The following NRG3 variants were observed in gnomAD, a reference collection of about 807,000 sequenced individuals.
NRG3 encodes the protein neuregulin 3, also known as pro-neuregulin-3, membrane-bound isoform.
NRG3 carries 31 observed loss-of-function variants against 66.9 expected under a neutral mutation model. That is an observed-to-expected ratio of 0.46 (90% CI 0.35 to 0.63). The LOEUF is 0.63. Ranked by LOEUF, NRG3 falls within the 20% of genes least tolerant of loss-of-function variation. NRG3 has a pLI of 0.00. For synonymous variants in NRG3, 393 were observed against 359.4 expected, an observed-to-expected ratio of 1.09 and a Z score of -1.06; for missense variants, 910 against 878.9, an observed-to-expected ratio of 1.04 and a Z score of -0.45.
At chr10:82,677,784 G>A (rs1487229375) in intron 2 of NRG3, among the ~76,000 whole-genome samples, 1 of 152,164 alleles carries the variant, frequency 6.6e-6, no homozygotes, top group African/African-American at 2.4e-5. Flanking sequence ...ATGAAAGGAA[G>A]TAAAGCACAC....
At chr10:82,352,925 T>C (rs1382616830) in intron 1 of NRG3, among the ~76,000 whole-genome samples, 1 of 151,896 alleles carries the variant, frequency 6.6e-6, no homozygotes, top group Non-Finnish European at 1.5e-5. Context: ...ACAGATTTTA[T>C]TGTAAATAAT....
chr10:82,325,956 T>G (rs1300681080), intron 1 of NRG3, among the ~76,000 whole-genome samples: 1 of 152,200 alleles, frequency 6.6e-6, no homozygotes, highest in Non-Finnish European at 1.5e-5. Context: ...ATACTTTATA[T>G]TTACTCACAT....
chr10:82,209,710 A>G (rs1232885897), intron 1 of NRG3, among the ~76,000 whole-genome samples: 1 of 152,184 alleles, frequency 6.6e-6, no homozygotes, highest in African/African-American at 2.4e-5. Context: ...TAGGATGCTT[A>G]GGAATGTACT....
At chr10:81,997,822 A>G (rs1233418183) in intron 1 of NRG3, among the ~76,000 whole-genome samples, 1 of 150,146 alleles carries the variant, frequency 6.7e-6, no homozygotes, top group African/African-American at 2.4e-5. Context: ...GGGGTCCCTC[A>G]TATTTGTCTA....
chr10:82,072,386 A>G (rs1428541087), intron 1 of NRG3, among the ~76,000 whole-genome samples: 1 of 152,240 alleles, frequency 6.6e-6, no homozygotes, highest in East Asian at 1.9e-4. Context: ...GTTCCCATCT[A>G]CTTCAGTAAC....
At chr10:82,427,413 C>T (rs548568218) in intron 2 of NRG3, among the ~76,000 whole-genome samples, 1 of 152,158 alleles carries the variant, frequency 6.6e-6, no homozygotes, top group East Asian at 1.9e-4. Context: ...TTGCCAAATG[C>T]TTTTTCTACT....
intron 2 of NRG3, among the ~76,000 whole-genome samples, chr10:82,374,137 G>T (rs1368137116): frequency 6.6e-6 from 1 of 152,170 alleles, no homozygotes; most frequent in Non-Finnish European, 1.5e-5. Context: ...TGTTAAAAAT[G>T]AGACAGAAAT....
rs554499542 is a variant in NRG3, at chr10:82,031,867, T to A, written c.823+155704T>A. Reference sequence around the variant, plus strand: ...AGTAGACTTTGGCCATTTCTATGGATGCAGCATTTAGAAAAGATTTGCTTT... The same window carrying A: ...AGTAGACTTTGGCCATTTCTATGGAAGCAGCATTTAGAAAAGATTTGCTTT... On this transcript the variant is annotated intron_variant, in intron 1 of 8. Transcript: ENST00000372141. Among the ~76,000 whole-genome samples the A allele has an allele frequency of 3.9e-5, 6 of 152,208 alleles. No homozygotes were observed. In the East Asian group the frequency reaches 1.2e-3, roughly 30 times the overall value.
At chr10:82,265,397 G>A (rs540425723) in intron 1 of NRG3, among the ~76,000 whole-genome samples, 4 of 152,260 alleles carry the variant, frequency 2.6e-5, no homozygotes, top group East Asian at 3.9e-4. Flanking sequence ...ATGAGAGCAC[G>A]AGGAAGGTTA....
At chr10:82,161,593 A>T (rs1480839605) in intron 1 of NRG3, among the ~76,000 whole-genome samples, 1 of 152,084 alleles carries the variant, frequency 6.6e-6, no homozygotes, top group East Asian at 1.9e-4. Flanking sequence ...AGTGAATTTT[A>T]TATTAATACA....
intron 1 of NRG3, among the ~76,000 whole-genome samples, chr10:81,913,808 T>C (rs755051677): frequency 3.9e-5 from 6 of 152,166 alleles, no homozygotes; most frequent in Non-Finnish European, 5.9e-5. Context: ...CAGCCTTTTC[T>C]TTCCAGAAGG....
chr10:82,909,731 T>A (rs767807566), intron 4 of NRG3, among the ~76,000 whole-genome samples: 1 of 152,214 alleles, frequency 6.6e-6, no homozygotes, highest in Non-Finnish European at 1.5e-5. Context: ...AAGGATGTGA[T>A]GATATTTGTT....
At chr10:82,462,421 A>C (rs2091559679) in intron 2 of NRG3, among the ~76,000 whole-genome samples, 1 of 152,026 alleles carries the variant, frequency 6.6e-6, no homozygotes, top group Non-Finnish European at 1.5e-5. Flanking sequence ...TATATTACTC[A>C]TAAGAAATTT....
intron 2 of NRG3, among the ~76,000 whole-genome samples, chr10:82,572,733 G>A (rs1404131954): frequency 6.6e-6 from 1 of 151,664 alleles, no homozygotes; most frequent in South Asian, 2.1e-4. Context: ...GATCAGAGGA[G>A]TTGCTTAAGA....
In NRG3 at chr10:82,081,372, C is replaced by CT. The variant is rs1026900376; in HGVS notation, c.823+205219dup. ...TACATAGACAGAAATGTTCTGTCTC[C>CT]TTTTTTTTTTCCAGTTACAGGGAAT... On this transcript the variant is annotated intron_variant, in intron 1 of 8. Coordinates refer to ENST00000372141, the MANE Select transcript of NRG3 (RefSeq NM_001010848.4). 5.0e-3 allele frequency among the ~76,000 whole-genome samples: 742 copies of CT among 149,198 alleles called. 4 individuals carry two copies. Among genetic ancestry groups the CT allele is most frequent in the African/African-American group, 0.015 (614 of 40,818 alleles).
At chr10:82,243,472 A>T (rs1184565192) in intron 1 of NRG3, among the ~76,000 whole-genome samples, 1 of 152,174 alleles carries the variant, frequency 6.6e-6, no homozygotes, top group Non-Finnish European at 1.5e-5. Flanking sequence ...GCACATATTT[A>T]TGAAAATTCA....
chr10:82,320,798 G>C (rs1236996356), intron 1 of NRG3, among the ~76,000 whole-genome samples: 2 of 152,118 alleles, frequency 1.3e-5, no homozygotes, highest in Non-Finnish European at 2.9e-5. Context: ...TTAAATGGGA[G>C]CTGGTATTCC....
At chr10:82,389,929 C>A (rs150347894) in intron 2 of NRG3, among the ~76,000 whole-genome samples, 1 of 152,120 alleles carries the variant, frequency 6.6e-6, no homozygotes, top group Non-Finnish European at 1.5e-5. Flanking sequence ...CCTATTAGAG[C>A]GGCTACTTGG....
chr10:82,062,461 C>T (rs2064208335), intron 1 of NRG3, among the ~76,000 whole-genome samples: 1 of 151,974 alleles, frequency 6.6e-6, no homozygotes, highest in Admixed American at 6.6e-5. Context: ...CAAAAATTAG[C>T]TGTGCATGGT....
Sources: allele counts gnomAD v4.1 joint callset (sites outside exome capture counted in the v4.1 genomes callset), GRCh38; gene constraint gnomAD v4.1.1; transcripts MANE v1.5; gene names NCBI Gene and HGNC (gene_info 2026-07-23, HGNC 2026-07-21).